The following SLC9C1 variants were observed in gnomAD, a reference collection of about 807,000 sequenced individuals.
The protein encoded by SLC9C1 is solute carrier family 9 member C1.
Under a neutral mutation model 140.9 loss-of-function variants are expected in SLC9C1, and 97 were observed. The observed-to-expected ratio is 0.69, with a 90% CI of 0.58 to 0.82. The LOEUF (loss-of-function observed/expected upper bound fraction) is 0.82, where lower values mean the gene tolerates loss of function less well. SLC9C1 is among the 40% of genes least tolerant of loss of function. The probability of loss-of-function intolerance (pLI) is 0.00; values close to 1 mark genes in which losing one functional copy is unlikely to be tolerated. For missense variants in SLC9C1, 1,340 were observed against 1,389.3 expected, an observed-to-expected ratio of 0.96 and a Z score of 0.56; for synonymous variants, 440 against 442.6, an observed-to-expected ratio of 0.99 and a Z score of 0.07.
intron 6 of SLC9C1, among the ~76,000 whole-genome samples, chr3:112,273,268 T>A (rs73853383): frequency 0.055 from 8,315 of 152,026 alleles, 272 homozygotes; most frequent in South Asian, 0.089. Flanking sequence ...AGTGCCATAT[T>A]GTGTCACCTC....
At position 112,169,058 on chromosome 3, in the gene SLC9C1, C is replaced by T. The variant is rs757167008; in HGVS notation, c.3056G>A (p.Trp1019Ter). The T allele has an allele frequency of 6.3e-7, 1 of 1,584,456 alleles. No homozygotes were observed. The highest frequency in any genetic ancestry group is 1.4e-5 in the African/African-American group (1 of 73,560). ...KIREHLSYEDWNYNMQLKLSN... is the reference protein window; with the variant it reads ...KIREHLSYED The stretch of plus-strand genomic sequence containing the variant: ...GAGCTTTAGTTGCATATTGTAGTTC[C>T]AATCCTGTTTTAGAAAACACAATTT... The change falls in exon 25 of 29, where the codon TGG becomes TAG. Residue 1019 changes from tryptophan to a stop codon, truncating the protein, a stop_gained. Coordinates refer to ENST00000305815, the MANE Select transcript of SLC9C1 (RefSeq NM_183061.3). LOFTEE classifies it high-confidence loss of function.
At chr3:112,223,736 A>G (rs1424054430) in intron 13 of SLC9C1, among the ~76,000 whole-genome samples, 1 of 152,180 alleles carries the variant, frequency 6.6e-6, no homozygotes, top group Non-Finnish European at 1.5e-5. Context: ...TAAACCTCAA[A>G]TACTCCAAAA....
chr3:112,220,402 G>A (rs1303112990), intron 14 of SLC9C1, among the ~76,000 whole-genome samples: 1 of 152,164 alleles, frequency 6.6e-6, no homozygotes, highest in African/African-American at 2.4e-5. Flanking sequence ...ACCAAAGGCC[G>A]GGTTTGCTCA....
rs369608861 is a variant in SLC9C1, at chr3:112,270,092, C to A, written c.614-15G>T. On this transcript the variant is annotated splice_polypyrimidine_tract_variant and intron_variant, in intron 6 of 28. Transcript: ENST00000305815. ...GATCTCTTCAGCTACAAGAAAGGGG[C>A]GTAAATAAGAAATAGTTAATAGAAC... is the stretch of plus-strand genomic sequence containing the variant. 2.7e-6 allele frequency: 4 copies of A among 1,495,446 alleles called. No individual in the cohort carries two copies. Among genetic ancestry groups the A allele is most frequent in the Non-Finnish European group, 2.7e-6 (3 of 1,122,626 alleles). The allele number at this position is 1,495,446 out of a possible 1,614,324, so 92.6% of individuals were successfully genotyped here. A position where few individuals can be genotyped will look rare whatever the true frequency, so the allele number is the denominator to read the frequency against.
intron 15 of SLC9C1, among the ~76,000 whole-genome samples, chr3:112,213,356 A>G (rs934246587): frequency 6.6e-6 from 1 of 152,188 alleles, no homozygotes; most frequent in African/African-American, 2.4e-5. Context: ...ACACATAACA[A>G]TATTAACCTT....
intron 10 of SLC9C1, among the ~76,000 whole-genome samples, chr3:112,258,584 C>G (rs2079679510): frequency 6.6e-6 from 1 of 151,950 alleles, no homozygotes; most frequent in Admixed American, 6.6e-5. Context: ...CAGGTGCGCA[C>G]CACCACACAG....
intron 28 of SLC9C1, among the ~76,000 whole-genome samples, chr3:112,147,787 G>A (rs927657517): frequency 6.6e-6 from 1 of 152,070 alleles, no homozygotes; most frequent in Non-Finnish European, 1.5e-5. Flanking sequence ...TTGTCTCTAG[G>A]TTTTTGTATC....
rs551521462 is a variant in SLC9C1, at chr3:112,247,938, T to C, written c.1198-3862A>G. Reference sequence around the variant, plus strand: ...GAAATATACTGTTGATATTACTTAGTCATCTTAAATATGGACTAGACGTAT... The same window carrying C: ...GAAATATACTGTTGATATTACTTAGCCATCTTAAATATGGACTAGACGTAT... On this transcript the variant is annotated intron_variant, in intron 10 of 28. Transcript: ENST00000305815. 3.3e-5 allele frequency among the ~76,000 whole-genome samples: 5 copies of C among 152,116 alleles called. No individual in the cohort carries two copies. In the South Asian group the frequency reaches 1.0e-3, roughly 32 times the overall value.
At position 112,208,171 on chromosome 3, in the gene SLC9C1, A is replaced by G. The variant is rs780884601; in HGVS notation, c.1986+7T>C. 11 of 1,578,582 alleles carry G rather than the reference A, an allele frequency of 7.0e-6. No homozygotes were observed. Among genetic ancestry groups the G allele is most frequent in the South Asian group, 1.2e-5 (1 of 85,230 alleles). ...ACACTTCCATACACACATAAATTTT[A>G]GATTACCTTAAGTAGTGCCTCTAGA... On this transcript the variant is annotated splice_region_variant and intron_variant, in intron 16 of 28. Transcript: ENST00000305815.
intron 20 of SLC9C1, among the ~76,000 whole-genome samples, chr3:112,189,407 T>C (rs965705586): frequency 7.9e-5 from 12 of 152,260 alleles, no homozygotes; most frequent in Admixed American, 6.5e-4. Context: ...AATTTTTGTA[T>C]AAGATGTAAG....
chr3:112,171,192 G>C (rs1428805543), intron 23 of SLC9C1, among the ~76,000 whole-genome samples: 1 of 151,974 alleles, frequency 6.6e-6, no homozygotes, highest in East Asian at 1.9e-4. Flanking sequence ...CTCCAGCCTG[G>C]GCAACAGAGT....
intron 15 of SLC9C1, among the ~76,000 whole-genome samples, chr3:112,209,172 T>G (rs2078134715): frequency 6.6e-6 from 1 of 151,396 alleles, no homozygotes; most frequent in Admixed American, 6.6e-5. Flanking sequence ...GGTACATCTA[T>G]GCCATAGCCC....
At chr3:112,291,104 A>G (rs2080668939) in intron 1 of SLC9C1, among the ~76,000 whole-genome samples, 2 of 152,206 alleles carry the variant, frequency 1.3e-5, no homozygotes, top group African/African-American at 2.4e-5. Context: ...GCTGGTGATT[A>G]TGCAGACTTG....
At chr3:112,260,066 A>G (rs182490954) in intron 10 of SLC9C1, among the ~76,000 whole-genome samples, 8 of 152,216 alleles carry the variant, frequency 5.3e-5, no homozygotes, top group African/African-American at 1.7e-4. Flanking sequence ...TTTTCTGTCT[A>G]GTTGTTCTAT....
chr3:112,151,045 T>A (rs1011771820), intron 28 of SLC9C1, among the ~76,000 whole-genome samples: 9 of 151,666 alleles, frequency 5.9e-5, no homozygotes, highest in African/African-American at 2.2e-4. Flanking sequence ...ACTACCTTGG[T>A]CAGGCTGGTC....
chr3:112,202,106 A>C, intron 18 of SLC9C1, 144 bp downstream of exon 18: 4 of 911,048 alleles, frequency 4.4e-6, no homozygotes, highest in Non-Finnish European at 5.0e-6. Context: ...GAGTAATTTA[A>C]ATGTAACCTA....
At chr3:112,232,144 T>G (rs2078846942) in intron 12 of SLC9C1, among the ~76,000 whole-genome samples, 1 of 152,188 alleles carries the variant, frequency 6.6e-6, no homozygotes, top group Non-Finnish European at 1.5e-5. Flanking sequence ...TGTTCTATCT[T>G]TAATACTATA....
intron 14 of SLC9C1, among the ~76,000 whole-genome samples, chr3:112,218,191 T>A (rs75880863): frequency 7.6e-6 from 1 of 131,320 alleles, no homozygotes; most frequent in Non-Finnish European, 1.6e-5. Flanking sequence ...TTTTTTTTTT[T>A]AATTGAGACA....
chr3:112,266,320 C>T lies in SLC9C1; in HGVS notation c.796G>A (p.Gly266Arg). ...FYICELVGMSGIFTLAIVGLL... is the reference protein window; with the variant it reads ...FYICELVGMSRIFTLAIVGLL... ...CCCACAATGGCCAGAGTAAATATTC[C>T]TGACATTCCAACTAACTCACCTATT... The change falls in exon 8 of 29, where the codon GGA (glycine) becomes AGA (arginine). Residue 266 changes from glycine to arginine, a missense_variant. Coordinates refer to ENST00000305815, the MANE Select transcript of SLC9C1 (RefSeq NM_183061.3). 1.2e-6 allele frequency: 2 copies of T among 1,607,394 alleles called. No homozygotes were observed. Among genetic ancestry groups the T allele is most frequent in the Non-Finnish European group, 1.7e-6 (2 of 1,177,518 alleles).
Sources: allele counts gnomAD v4.1 joint callset (sites outside exome capture counted in the v4.1 genomes callset), GRCh38; gene constraint gnomAD v4.1.1; transcripts MANE v1.5; gene names NCBI Gene and HGNC (gene_info 2026-07-23, HGNC 2026-07-21).